Variants in PVT1 observed in about 807,000 individuals in gnomAD.
PVT1 encodes the protein CXCR4/PVT1 fusion.
intron 4 of PVT1, among the ~76,000 whole-genome samples, chr8:128,003,716 A>T (rs901367334): frequency 8.5e-5 from 13 of 152,270 alleles, no homozygotes; most frequent in African/African-American, 3.1e-4. Flanking sequence ...CATATGTGTA[A>T]ATTATAAGTG....
At chr8:127,815,166 C>A (rs2129668392) in intron 2 of PVT1, among the ~76,000 whole-genome samples, 1 of 152,150 alleles carries the variant, frequency 6.6e-6, no homozygotes, top group African/African-American at 2.4e-5. Flanking sequence ...GGGGCTTCGC[C>A]ATGTTGGCCA....
intron 2 of PVT1, among the ~76,000 whole-genome samples, chr8:127,807,572 C>T (rs1197083941): frequency 6.6e-6 from 1 of 152,154 alleles, no homozygotes; most frequent in Non-Finnish European, 1.5e-5. Context: ...ATCCTCCTGC[C>T]CAGTTCTCCC....
At position 127,997,044 on chromosome 8, in the gene PVT1, G is replaced by GTTTTTTTTTTTTTTTT. The variant is rs1293036762; in HGVS notation, n.912+7765_912+7766insTTTTTTTTTTTTTTTT. Among the ~76,000 whole-genome samples the GTTTTTTTTTTTTTTTT allele has an allele frequency of 7.4e-5, 6 of 81,590 alleles. 1 individual carries two copies. Among genetic ancestry groups the GTTTTTTTTTTTTTTTT allele is most frequent in the Admixed American group, 1.7e-4 (1 of 6,048 alleles). The allele number at this position is 81,590 out of a possible 152,430, so 53.5% of individuals were successfully genotyped here. A position where few individuals can be genotyped will look rare whatever the true frequency, so the allele number is the denominator to read the frequency against. ...GAACATTCACTGGTCATTTGCTTTC[G>GTTTTTTTTTTTTTTTT]TTTTTTTTTTTTGTTTGTTTGTTTT... On this transcript the variant is annotated intron_variant and non_coding_transcript_variant, in intron 4 of 10. Coordinates refer to ENST00000651587, the Ensembl canonical transcript of PVT1.
In PVT1 at chr8:127,993,076, G is replaced by A. The variant is rs1436879154; in HGVS notation, n.912+3785G>A. ...GGTATTGGCCCATTTCTCTATTACT[G>A]TTTCTTGTGGTTTCATACTGAGGTT... On this transcript the variant is annotated intron_variant and non_coding_transcript_variant, in intron 4 of 10. Coordinates refer to ENST00000651587, the Ensembl canonical transcript of PVT1. Among the ~76,000 whole-genome samples the A allele has an allele frequency of 2.6e-5, 4 of 152,286 alleles. No homozygotes were observed. The East Asian group carries it at 7.7e-4, about 29-fold the overall frequency.
At chr8:128,019,148 C>T (rs138768737) in intron 4 of PVT1, among the ~76,000 whole-genome samples, 4 of 152,324 alleles carry the variant, frequency 2.6e-5, no homozygotes, top group African/African-American at 7.2e-5. Flanking sequence ...AAGGCAGCCA[C>T]GGTGCCCAGG....
intron 3 of PVT1, among the ~76,000 whole-genome samples, chr8:127,954,388 A>G (rs943130432): frequency 2.1e-5 from 3 of 142,394 alleles, no homozygotes; most frequent in African/African-American, 7.9e-5. Context: ...TCTGCTTCCC[A>G]GGTTCAAGCG....
intron 4 of PVT1, among the ~76,000 whole-genome samples, chr8:128,058,377 CATGT>C (rs975842780): frequency 9.1e-6 from 1 of 109,958 alleles, no homozygotes; most frequent in Non-Finnish European, 1.9e-5. Context: ...CAAACTGATG[CATGT>C]GTGTGTGTGT....
At chr8:127,909,781 G>T (rs1815869597) in intron 3 of PVT1, among the ~76,000 whole-genome samples, 1 of 152,204 alleles carries the variant, frequency 6.6e-6, no homozygotes, top group Non-Finnish European at 1.5e-5. Flanking sequence ...AGTCCATGCA[G>T]GCGCTCTGGG....
chr8:127,907,123 G>C (rs1193074572), intron 3 of PVT1, among the ~76,000 whole-genome samples: 1 of 152,058 alleles, frequency 6.6e-6, no homozygotes. Context: ...ACCGCACCCG[G>C]CTAATTTTTA....
chr8:127,962,832 G>A (rs1208340043), intron 3 of PVT1, among the ~76,000 whole-genome samples: 1 of 152,020 alleles, frequency 6.6e-6, no homozygotes, highest in African/African-American at 2.4e-5. Flanking sequence ...CCTGACCTCA[G>A]GTGATCGCCC....
At chr8:127,838,579 C>T (rs946254463) in intron 2 of PVT1, among the ~76,000 whole-genome samples, 2 of 152,126 alleles carry the variant, frequency 1.3e-5, no homozygotes, top group East Asian at 1.9e-4. Flanking sequence ...CTGGCAGGCA[C>T]CTGTAATCCC....
At chr8:127,955,389 G>A (rs1407242283) in intron 3 of PVT1, among the ~76,000 whole-genome samples, 1 of 152,130 alleles carries the variant, frequency 6.6e-6, no homozygotes, top group African/African-American at 2.4e-5. Context: ...GGCAGCCCTA[G>A]CAGACCAATA....
chr8:127,933,373 C>T (rs1481671916), intron 3 of PVT1, among the ~76,000 whole-genome samples: 1 of 152,184 alleles, frequency 6.6e-6, no homozygotes, highest in East Asian at 1.9e-4. Context: ...TTGTGCCTGG[C>T]CAGTATCATG....
intron 3 of PVT1, among the ~76,000 whole-genome samples, chr8:127,984,946 CCCTTCCTT>C (rs200641766): frequency 2.5e-5 from 3 of 118,648 alleles, no homozygotes; most frequent in African/African-American, 1.1e-4. Flanking sequence ...TCTTTCTTTC[CCCTTCCTT>C]CCTTCCTTCC....
chr8:128,028,807 A>AG (rs1813355505), intron 4 of PVT1, among the ~76,000 whole-genome samples: 1 of 152,088 alleles, frequency 6.6e-6, no homozygotes, highest in Non-Finnish European at 1.5e-5. Flanking sequence ...CGTGTGAAAG[A>AG]GGGGTCTCCT....
At chr8:127,870,929 C>T (rs1323739821) in intron 2 of PVT1, among the ~76,000 whole-genome samples, 5 of 152,192 alleles carry the variant, frequency 3.3e-5, no homozygotes, top group Non-Finnish European at 5.9e-5. Context: ...CCTATTAACT[C>T]TGTGACGGCC....
At chr8:127,897,025 CCCT>C (rs1460067612) in intron 3 of PVT1, among the ~76,000 whole-genome samples, 14 of 152,272 alleles carry the variant, frequency 9.2e-5, no homozygotes, top group Non-Finnish European at 2.1e-4. Context: ...GATTGCAGCC[CCCT>C]CCTCCTGGGG....
intron 3 of PVT1, among the ~76,000 whole-genome samples, chr8:127,929,973 G>A (rs1206287674): frequency 1.3e-5 from 2 of 152,200 alleles, no homozygotes; most frequent in African/African-American, 2.4e-5. Context: ...GGTCCTAAGG[G>A]AGAATGTCTT....
At chr8:127,970,962 A>G (rs1402200936) in intron 3 of PVT1, among the ~76,000 whole-genome samples, 1 of 152,166 alleles carries the variant, frequency 6.6e-6, no homozygotes, top group Non-Finnish European at 1.5e-5. Context: ...TTTTGTAAAT[A>G]AAATTGTATT....
Sources: gnomAD v4.1 joint callset for allele counts (sites outside exome capture counted in the v4.1 genomes callset) on GRCh38, gnomAD v4.1.1 for gene constraint, MANE v1.5 for transcripts, NCBI Gene and HGNC (gene_info 2026-07-23, HGNC 2026-07-21) for gene names.